The following MAPKAPK5 variants were observed in gnomAD, a reference collection of about 807,000 sequenced individuals.
MAPKAPK5 encodes the protein MAPK activated protein kinase 5, also known as MAP kinase-activated protein kinase 5.
Under a neutral mutation model 65.1 loss-of-function variants are expected in MAPKAPK5, and 30 were observed. The ratio of observed to expected loss-of-function variants is 0.46; its 90% CI spans 0.34 to 0.63. The LOEUF (loss-of-function observed/expected upper bound fraction) is 0.63, where lower values mean the gene tolerates loss of function less well. Among genes scored for constraint, MAPKAPK5 ranks in the 20% least tolerant of loss-of-function variants. The pLI, the probability that MAPKAPK5 is intolerant of heterozygous loss-of-function variation, is 0.01. For missense variants in MAPKAPK5, 433 were observed against 581.4 expected, an observed-to-expected ratio of 0.74 and a Z score of 2.63; for synonymous variants, 179 against 204.6, an observed-to-expected ratio of 0.87 and a Z score of 1.07.
rs555455665 is a variant in MAPKAPK5, at chr12:111,855,932, C to T, written c.37-9318C>T. 6.8e-4 allele frequency among the ~76,000 whole-genome samples: 102 copies of T among 150,834 alleles called. 1 individual carries two copies. The highest frequency in any genetic ancestry group is 2.3e-3 in the African/African-American group (96 of 41,120). ...GTGCAATGGCGTGATCTTGGTTCAC[C>T]GCAACCTCTGCCTCCCAGGTTCAAG... On this transcript the variant is annotated intron_variant, in intron 1 of 13. Coordinates refer to ENST00000550735, the MANE Select transcript of MAPKAPK5 (RefSeq NM_003668.4).
chr12:111,851,276 G>A (rs1168756857), intron 1 of MAPKAPK5, among the ~76,000 whole-genome samples: 2 of 152,146 alleles, frequency 1.3e-5, no homozygotes, highest in South Asian at 2.1e-4. Flanking sequence ...AGGCTTTGAA[G>A]TGGTCTACTT....
intron 4 of MAPKAPK5, among the ~76,000 whole-genome samples, chr12:111,868,118 CTTTCCT>C (rs1038428075): frequency 2.6e-5 from 4 of 152,202 alleles, no homozygotes; most frequent in African/African-American, 9.6e-5. Context: ...CTTAGTCTAA[CTTTCCT>C]TTTAAAGAAA....
Position 111,854,155 on chromosome 12 carries a change from A to G in MAPKAPK5, c.37-11095A>G, listed in dbSNP as rs113617716. ...TTGGTATGAATGTAATGCTAGCTTT[A>G]TAGAACAAGTTAGAAAGTATACCCT... On this transcript the variant is annotated intron_variant, in intron 1 of 13. Coordinates refer to ENST00000550735, the MANE Select transcript of MAPKAPK5 (RefSeq NM_003668.4). Among the ~76,000 whole-genome samples the G allele has an allele frequency of 4.0e-3, 603 of 152,180 alleles. 4 individuals carry two copies. Among genetic ancestry groups the G allele is most frequent in the African/African-American group, 0.013 (559 of 41,524 alleles).
At chr12:111,886,135 T>G in intron 10 of MAPKAPK5, 99 bp downstream of exon 10, 5 of 1,497,208 alleles carry the variant, frequency 3.3e-6, no homozygotes, top group Non-Finnish European at 4.6e-6. Context: ...CAGTGCAGAG[T>G]ACACGATCCT....
At chr12:111,848,121 A>G (rs1293819014) in intron 1 of MAPKAPK5, among the ~76,000 whole-genome samples, 2 of 152,210 alleles carry the variant, frequency 1.3e-5, no homozygotes, top group Non-Finnish European at 2.9e-5. Context: ...ACTGGGCAGT[A>G]TAGTAAATTT....
intron 13 of MAPKAPK5, 88 bp downstream of exon 13, chr12:111,890,232 C>T (rs1023590796): frequency 9.9e-6 from 10 of 1,014,982 alleles, no homozygotes; most frequent in South Asian, 1.4e-5. Flanking sequence ...GCCTGAGCTG[C>T]GGCTGTTTTG....
At chr12:111,864,142 G>T (rs573740150) in intron 1 of MAPKAPK5, among the ~76,000 whole-genome samples, 50 of 152,072 alleles carry the variant, frequency 3.3e-4, no homozygotes, top group Non-Finnish European at 1.5e-5. Context: ...AGATGCTGTG[G>T]TGTGTGCCTG....
intron 7 of MAPKAPK5, among the ~76,000 whole-genome samples, chr12:111,875,258 A>G (rs1434372525): frequency 1.3e-5 from 2 of 151,980 alleles, no homozygotes; most frequent in African/African-American, 4.8e-5. Context: ...TTTGAGGGTT[A>G]AATCAGTCTA....
At chr12:111,882,643 C>A (rs556935969) in intron 8 of MAPKAPK5, 9 of 172,486 alleles carry the variant, frequency 5.2e-5, no homozygotes, top group Admixed American at 2.0e-4. Context: ...CATGGAGTCA[C>A]CTTACTACCT....
At chr12:111,882,782 C>T in intron 8 of MAPKAPK5, 1 of 985,298 alleles carries the variant, frequency 1.0e-6, no homozygotes, top group Non-Finnish European at 1.2e-6. Context: ...TTCTGTTCTT[C>T]CCTCCAGTCC....
rs550594859 is a variant in MAPKAPK5, at chr12:111,882,067, A to C, written c.661-1514A>C. On this transcript the variant is annotated intron_variant, in intron 8 of 13. Transcript: ENST00000550735. ...ACAGCATGGGCTGTGTCATCCACAAATATCTACTAGTATAATGTGAAAACA... is the reference window on the plus strand; with the variant it reads ...ACAGCATGGGCTGTGTCATCCACAACTATCTACTAGTATAATGTGAAAACA... 7.2e-5 allele frequency among the ~76,000 whole-genome samples: 11 copies of C among 152,292 alleles called. No individual in the cohort carries two copies. In the East Asian group the frequency reaches 1.9e-3, roughly 27 times the overall value.
chr12:111,852,193 T>A (rs1209123660), intron 1 of MAPKAPK5, among the ~76,000 whole-genome samples: 1 of 152,164 alleles, frequency 6.6e-6, no homozygotes, highest in Admixed American at 6.6e-5. Flanking sequence ...TGTATAGAAA[T>A]GTTTTTAGAG....
chr12:111,880,729 G>A (rs149381896), intron 8 of MAPKAPK5, among the ~76,000 whole-genome samples: 6 of 152,258 alleles, frequency 3.9e-5, no homozygotes, highest in Non-Finnish European at 5.9e-5. Context: ...AGCCAGACTC[G>A]CAGAAAAGTA....
At chr12:111,855,607 T>C (rs2069208091) in intron 1 of MAPKAPK5, among the ~76,000 whole-genome samples, 1 of 152,072 alleles carries the variant, frequency 6.6e-6, no homozygotes, top group Non-Finnish European at 1.5e-5. Flanking sequence ...GGCAGGCGGA[T>C]CACGAGGTCA....
chr12:111,883,649 C>G lies in MAPKAPK5; in HGVS notation c.729C>G (p.Ser243=), dbSNP rs1450336106. 1.9e-6 allele frequency: 3 copies of G among 1,613,850 alleles called. 1 individual carries two copies. The Admixed American group carries it at 5.0e-5, about 27-fold the overall frequency. The stretch of plus-strand genomic sequence containing the variant: ...TGTGCGGATACCCTCCTTTTTACTC[C>G]AAACACCACAGCCGGACTATCCCAA... ...VMLCGYPPFY[S]KHHSRTIPKD... is the part of the protein sequence containing the mutation. Residue 243 remains serine, a synonymous_variant, in exon 9 of 14, where the codon TCC becomes TCG. Coordinates refer to ENST00000550735, the MANE Select transcript of MAPKAPK5 (RefSeq NM_003668.4). The surrounding 1 kb of genome is among the most constrained non-coding windows in gnomAD (Gnocchi z 4.8).
chr12:111,851,107 A>G (rs1480744760), intron 1 of MAPKAPK5, among the ~76,000 whole-genome samples: 8 of 152,142 alleles, frequency 5.3e-5, no homozygotes, highest in African/African-American at 1.9e-4. Flanking sequence ...CATGTTGGCC[A>G]GGCTGGTCTT....
At chr12:111,874,863 C>T (rs988086060) in intron 7 of MAPKAPK5, among the ~76,000 whole-genome samples, 1 of 150,808 alleles carries the variant, frequency 6.6e-6, no homozygotes, top group Non-Finnish European at 1.5e-5. Context: ...CAATCTCCGC[C>T]TCCCAGGTTC....
At chr12:111,859,856 T>G (rs555189929) in intron 1 of MAPKAPK5, among the ~76,000 whole-genome samples, 144 of 151,682 alleles carry the variant, frequency 9.5e-4, no homozygotes, top group African/African-American at 3.1e-3. Context: ...ATCATGTTGG[T>G]CAGGCTGGTC....
intron 9 of MAPKAPK5, among the ~76,000 whole-genome samples, chr12:111,884,457 C>T (rs1295737815): frequency 2.0e-5 from 3 of 152,174 alleles, no homozygotes; most frequent in African/African-American, 7.2e-5. Context: ...GCGATCTGCC[C>T]GCCTCGGCCT....
Sources: allele counts gnomAD v4.1 joint callset (sites outside exome capture counted in the v4.1 genomes callset), GRCh38; gene constraint gnomAD v4.1.1; non-coding constraint Gnocchi (gnomAD v3.1); transcripts MANE v1.5; gene names NCBI Gene and HGNC (gene_info 2026-07-23, HGNC 2026-07-21).